TAF6: variants seen among roughly 807,000 people sequenced by gnomAD.
TAF6 encodes TATA-box binding protein associated factor 6.
TAF6 carries 50 observed loss-of-function variants against 73.5 expected under a neutral mutation model. The observed-to-expected ratio is 0.68, with a 90% CI of 0.54 to 0.86. The LOEUF is 0.86. Among genes scored for constraint, TAF6 ranks in the 40% least tolerant of loss-of-function variants. TAF6 has a pLI of 0.00. For synonymous variants in TAF6, 424 were observed against 376.7 expected (o/e 1.13, Z -1.45); for missense variants, 768 against 899.5 (o/e 0.85, Z 1.87).
At chr7:100,119,737 G>T, upstream of TAF6, 1 of 1,614,158 alleles carries the variant, frequency 6.2e-7, no homozygotes, top group Non-Finnish European at 8.5e-7. Context: ...TGTAGACGGC[G>T]CTTTGTCATG....
chr7:100,118,051 AAAAAAAAAAAC>A (rs1797820803), intron 1 of TAF6, among the ~76,000 whole-genome samples: 3 of 150,544 alleles, frequency 2.0e-5, no homozygotes, highest in Admixed American at 6.6e-5. Flanking sequence ...GTCTCAAAAA[AAAAAAAAAAAC>A]AAAAAAAGCA....
At chr7:100,124,630 T>C (rs772985926), upstream of TAF6, 2 of 1,613,054 alleles carry the variant, frequency 1.2e-6, no homozygotes, top group East Asian at 2.2e-5. Flanking sequence ...CTGCTGAAAC[T>C]GGTAAGCGTA....
upstream of TAF6, chr7:100,121,116 A>ATATATATATT (rs1584585316): frequency 3.8e-5 from 2 of 52,772 alleles, no homozygotes; most frequent in Admixed American, 2.8e-4. Context: ...ATATATATAT[A>ATATATATATT]TTTTTTTTTT....
upstream of TAF6, chr7:100,119,886 T>TA: frequency 6.3e-7 from 1 of 1,578,088 alleles, no homozygotes; most frequent in South Asian, 1.1e-5. Context: ...GTAGCCCCTA[T>TA]AGGCATCGCC....
upstream of TAF6, among the ~76,000 whole-genome samples, chr7:100,123,170 C>CTTTT: frequency 6.6e-6 from 1 of 151,920 alleles, no homozygotes; most frequent in East Asian, 1.9e-4. Context: ...GGCAAAACCC[C>CTTTT]GTCTTTAATA....
upstream of TAF6, chr7:100,121,090 TTATATATATATA>T (rs1562938164): frequency 5.3e-5 from 2 of 37,644 alleles, no homozygotes; most frequent in African/African-American, 2.7e-4. Flanking sequence ...TGTATTAATT[TTATATATATATA>T]TATATATATA....
upstream of TAF6, among the ~76,000 whole-genome samples, chr7:100,120,899 A>G (rs572061321): frequency 6.6e-6 from 1 of 152,102 alleles, no homozygotes; most frequent in East Asian, 1.9e-4. Context: ...AGACCTGTAG[A>G]TAGAGATAAT....
chr7:100,120,366 G>A (rs1316957280), upstream of TAF6: 1 of 152,694 alleles, frequency 6.5e-6, no homozygotes, highest in Admixed American at 6.5e-5. Flanking sequence ...ACACAACTAG[G>A]AGAGTGTCCC....
chr7:100,111,223 A>G lies in TAF6; in HGVS notation c.999T>C (p.Ala333=), dbSNP rs1286680234. 2.5e-6 allele frequency: 4 copies of G among 1,614,232 alleles called. No homozygotes were observed. The highest frequency in any genetic ancestry group is 2.2e-5 in the South Asian group (2 of 91,082). ...VDNHWALRDF[A]ARLVAQICKH... is the part of the protein sequence containing the mutation. ...TGCAGATCTGGGCCACCAGGCGGGC[A>G]GCAAAGTCTCGGAGTGCCCAGTGAT... The change falls in exon 10 of 15, where the codon GCT becomes GCC. Residue 333 remains alanine, a synonymous_variant. Transcript: ENST00000453269.
intron 1 of TAF6, chr7:100,115,768 G>A (rs1436631828): frequency 6.6e-6 from 1 of 151,476 alleles, no homozygotes; most frequent in East Asian, 1.9e-4. Flanking sequence ...GTCAAGAGAT[G>A]GAGACCATCC....
Position 100,111,279 on chromosome 7 carries a change from T to A in TAF6, c.943A>T (p.Arg315Ter). The A allele has an allele frequency of 6.2e-7, 1 of 1,614,228 alleles. No individual in the cohort carries two copies. The highest frequency in any genetic ancestry group is 8.5e-7 in the Non-Finnish European group (1 of 1,180,032). ...IPAVMTCIVS[R>*]QLCLRPDVDN... ...ACATCTGGTCGCAGGCACAACTGTC[T>A]GCTCACGATGCAGGTCATCACAGCT... Residue 315 changes from arginine (R) to a stop codon, truncating the protein, a stop_gained, in exon 10 of 15, where the codon AGA (arginine) becomes TGA (stop). Transcript: ENST00000453269. LOFTEE classifies it high-confidence loss of function.
Position 100,112,827 on chromosome 7 carries a change from C to T in TAF6, c.545G>A (p.Gly182Asp), listed in dbSNP as rs777133621. ...GCCGTCGGCTGTGGTGGCCCCTTGA[C>T]CTTTGCCCTTCAGGGGTCCGTCTTC... ...QEEDGPLKGKGQGATTADGKG... is the reference protein window; with the variant it reads ...QEEDGPLKGKDQGATTADGKG... Residue 182 changes from glycine to aspartate, a missense_variant, in exon 6 of 15, where the codon GGT becomes GAT. Around this residue, in one of 5 missense-constraint regions of TAF6, gnomAD observed 269 missense variants for 268.0 expected, o/e 1.00. Coordinates refer to ENST00000453269, the MANE Select transcript of TAF6 (RefSeq NM_139315.3). The T allele has an allele frequency of 6.2e-7, 1 of 1,613,838 alleles. No individual in the cohort carries two copies. Among genetic ancestry groups the T allele is most frequent in the Non-Finnish European group, 8.5e-7 (1 of 1,179,780 alleles).
chr7:100,113,345 T>C lies in TAF6; in HGVS notation c.454+4A>G. On this transcript the variant is annotated splice_donor_region_variant and intron_variant, in intron 5 of 14. Transcript: ENST00000453269. ...AGACCCAGAGGGTGGGGCATGGAGG[T>C]TACCTGGGGGCGGGTTCTCGGGGAT... 2 of 1,585,670 alleles carry C rather than the reference T, an allele frequency of 1.3e-6. No individual in the cohort carries two copies. Among genetic ancestry groups the C allele is most frequent in the Non-Finnish European group, 1.7e-6 (2 of 1,166,426 alleles).
At position 100,114,039 on chromosome 7, in the gene TAF6, G is replaced by T. The variant is rs1797458232; in HGVS notation, c.156+15C>A. On this transcript the variant is annotated intron_variant, in intron 2 of 14. Coordinates refer to ENST00000453269, the MANE Select transcript of TAF6 (RefSeq NM_139315.3). The stretch of plus-strand genomic sequence containing the variant: ...CATGGACCCAATGTAGAGCTGGACA[G>T]AAGGGCCGGGTCACCTGTGCGATCT... 6.2e-7 allele frequency: 1 copy of T among 1,613,962 alleles called. No individual in the cohort carries two copies. The highest frequency in any genetic ancestry group is 1.1e-5 in the South Asian group (1 of 91,090).
At chr7:100,126,091 CAGA>C in the TAF6 span, among the ~76,000 whole-genome samples, 28 of 152,266 alleles carry the variant, frequency 1.8e-4, 1 homozygote, top group South Asian at 5.8e-3. Context: ...GAGGCTGAGG[CAGA>C]AGAATGGCGG....
chr7:100,108,227 A>G (rs2116709431), intron 13 of TAF6, 104 bp from the exon 14 acceptor site: 1 of 1,457,232 alleles, frequency 6.9e-7, no homozygotes, highest in Non-Finnish European at 9.1e-7. Context: ...GGCTCTCACT[A>G]GGGCTGGGGC....
chr7:100,107,365 T>C lies in TAF6; in HGVS notation c.1915A>G (p.Ser639Gly). The C allele has an allele frequency of 1.3e-6, 2 of 1,575,768 alleles. No individual in the cohort carries two copies. Among genetic ancestry groups the C allele is most frequent in the Non-Finnish European group, 1.7e-6 (2 of 1,157,940 alleles). The change falls in exon 15 of 15, where the codon AGC becomes GGC. Residue 639 changes from serine (S) to glycine (G), a missense_variant. This residue lies in a region of TAF6 where 350 missense variants were observed against 352.3 expected (regional missense o/e 0.99). Transcript: ENST00000453269. ...PPPASSPSPL[S>G]GSALCGGKQE... The stretch of plus-strand genomic sequence containing the variant: ...TTCCCCCCACAAAGGGCACTGCCGC[T>C]GAGTGGGGACGGGGACGATGCCGGG...
chr7:100,120,768 A>G (rs1457167589), upstream of TAF6, among the ~76,000 whole-genome samples: 1 of 152,182 alleles, frequency 6.6e-6, no homozygotes, highest in African/African-American at 2.4e-5. Context: ...ACAGTGGCTC[A>G]CATCTGTAAT....
chr7:100,113,819 G>C, intron 3 of TAF6, 49 bp downstream of exon 3: 1 of 1,609,048 alleles, frequency 6.2e-7, no homozygotes, highest in Non-Finnish European at 8.5e-7. Context: ...GAGGAGACCT[G>C]GCTGAAGGAT....
Sources: allele counts gnomAD v4.1 joint callset (sites outside exome capture counted in the v4.1 genomes callset), GRCh38; gene constraint gnomAD v4.1.1; regional missense constraint gnomAD v4.1.1; transcripts MANE v1.5; gene names NCBI Gene and HGNC (gene_info 2026-07-23, HGNC 2026-07-21).